The following PTPRD variants were observed in gnomAD, a reference collection of about 807,000 sequenced individuals.
PTPRD encodes receptor-type tyrosine-protein phosphatase delta.
Under a neutral mutation model 214.5 loss-of-function variants are expected in PTPRD, and 34 were observed. The observed-to-expected ratio is 0.16, with a 90% CI of 0.12 to 0.21. The LOEUF (loss-of-function observed/expected upper bound fraction) is 0.21, where lower values mean the gene tolerates loss of function less well. Among genes scored for constraint, PTPRD ranks in the 10% least tolerant of loss-of-function variants. The pLI, the probability that PTPRD is intolerant of heterozygous loss-of-function variation, is 1.00. For synonymous variants in PTPRD, 1,128 were observed against 845.7 expected, an observed-to-expected ratio of 1.33 and a Z score of -5.79; for missense variants, 2,545 against 2,398.7, an observed-to-expected ratio of 1.06 and a Z score of -1.27.
At chr9:9,291,332 G>A (rs1304601414) in intron 9 of PTPRD, among the ~76,000 whole-genome samples, 1 of 151,412 alleles carries the variant, frequency 6.6e-6, no homozygotes, top group Non-Finnish European at 1.5e-5. Context: ...GGAAATTTGA[G>A]AGACTGCTTT....
At chr9:10,218,950 G>A (rs1286839889) in intron 3 of PTPRD, among the ~76,000 whole-genome samples, 1 of 151,680 alleles carries the variant, frequency 6.6e-6, no homozygotes, top group South Asian at 2.1e-4. Flanking sequence ...TATACAGAGA[G>A]AAAATTAAAA....
intron 9 of PTPRD, among the ~76,000 whole-genome samples, chr9:9,215,482 C>T (rs918820997): frequency 2.6e-5 from 4 of 152,072 alleles, no homozygotes; most frequent in East Asian, 3.9e-4. Context: ...ATAAGGATTA[C>T]AATGGGTGGA....
At chr9:10,025,369 T>C (rs1476484102) in intron 4 of PTPRD, among the ~76,000 whole-genome samples, 1 of 152,174 alleles carries the variant, frequency 6.6e-6, no homozygotes, top group African/African-American at 2.4e-5. Flanking sequence ...ATTTCCAATG[T>C]CCAATTTTGT....
intron 2 of PTPRD, among the ~76,000 whole-genome samples, chr9:10,446,142 T>C (rs1225979956): frequency 1.3e-5 from 2 of 151,750 alleles, no homozygotes; most frequent in East Asian, 1.9e-4. Context: ...CCCTTTGAAA[T>C]AGAAAGAGGA....
intron 2 of PTPRD, among the ~76,000 whole-genome samples, chr9:10,410,621 G>A (rs1243526645): frequency 6.6e-6 from 1 of 151,130 alleles, no homozygotes; most frequent in Non-Finnish European, 1.5e-5. Flanking sequence ...TTAAATAACT[G>A]AAAAAAAGTA....
intron 3 of PTPRD, among the ~76,000 whole-genome samples, chr9:10,115,266 T>C: frequency 6.6e-6 from 1 of 152,114 alleles, no homozygotes; most frequent in East Asian, 1.9e-4. Context: ...ATGTTTAATG[T>C]TGTATATTTA....
chr9:8,934,477 A>AT (rs1567099970), intron 11 of PTPRD, among the ~76,000 whole-genome samples: 195 of 7,690 alleles, frequency 0.025, 5 homozygotes, highest in Middle Eastern at 0.15. Flanking sequence ...ATATATATAT[A>AT]AATATATATA....
chr9:9,672,152 T>C (rs916227948), intron 7 of PTPRD, among the ~76,000 whole-genome samples: 6 of 152,182 alleles, frequency 3.9e-5, no homozygotes, highest in Admixed American at 3.9e-4. Flanking sequence ...AGAAGAATAT[T>C]ATTTTTTCAC....
At chr9:9,365,195 T>C (rs574423982) in intron 9 of PTPRD, among the ~76,000 whole-genome samples, 17 of 151,650 alleles carry the variant, frequency 1.1e-4, no homozygotes, top group African/African-American at 3.6e-4. Context: ...AATTGTTCTA[T>C]GTTACAGGGA....
intron 7 of PTPRD, among the ~76,000 whole-genome samples, chr9:9,583,725 A>T (rs905421509): frequency 5.9e-5 from 9 of 152,058 alleles, no homozygotes; most frequent in African/African-American, 1.9e-4. Context: ...AATTCATGGT[A>T]ACTATGGCAA....
chr9:9,644,012 G>C (rs947920806), intron 7 of PTPRD, among the ~76,000 whole-genome samples: 5 of 152,222 alleles, frequency 3.3e-5, no homozygotes, highest in Middle Eastern at 3.4e-3. Flanking sequence ...AATTTTAACA[G>C]AAAGATTTAT....
At chr9:9,202,282 A>C (rs1216483984) in intron 9 of PTPRD, among the ~76,000 whole-genome samples, 1 of 152,220 alleles carries the variant, frequency 6.6e-6, no homozygotes, top group Non-Finnish European at 1.5e-5. Context: ...ACCTTTCTAC[A>C]GATTAACCCG....
intron 7 of PTPRD, among the ~76,000 whole-genome samples, chr9:9,622,372 A>G (rs2095273542): frequency 6.6e-6 from 1 of 152,252 alleles, no homozygotes; most frequent in Non-Finnish European, 1.5e-5. Context: ...TGCTGAATAT[A>G]TCTCCACTAG....
intron 5 of PTPRD, among the ~76,000 whole-genome samples, chr9:9,934,449 T>C (rs1244280098): frequency 1.5e-5 from 2 of 136,662 alleles, no homozygotes; most frequent in Non-Finnish European, 3.2e-5. Context: ...TACAAACGCC[T>C]CTATGCAAAT....
chr9:9,841,512 T>C (rs2058326074), intron 5 of PTPRD, among the ~76,000 whole-genome samples: 1 of 152,108 alleles, frequency 6.6e-6, no homozygotes, highest in South Asian at 2.1e-4. Context: ...CAATAAATTT[T>C]AGTTAGTATT....
At chr9:10,405,475 C>T (rs1010503778) in intron 2 of PTPRD, among the ~76,000 whole-genome samples, 2 of 151,512 alleles carry the variant, frequency 1.3e-5, no homozygotes, top group Non-Finnish European at 3.0e-5. Context: ...TAGGGAAAAA[C>T]ACAGTTGCCA....
At chr9:9,438,285 A>G (rs1346064278) in intron 8 of PTPRD, among the ~76,000 whole-genome samples, 1 of 152,214 alleles carries the variant, frequency 6.6e-6, no homozygotes, top group Non-Finnish European at 1.5e-5. Context: ...AAAGACTACT[A>G]CTATTCATTT....
At chr9:8,434,039 T>G (rs947201839) in intron 35 of PTPRD, among the ~76,000 whole-genome samples, 1 of 152,090 alleles carries the variant, frequency 6.6e-6, no homozygotes, top group East Asian at 1.9e-4. Context: ...TGGAGTGCAA[T>G]GGTGCGACCC....
chr9:8,709,531 AG>A (rs373833687), intron 12 of PTPRD, among the ~76,000 whole-genome samples: 1 of 148,984 alleles, frequency 6.7e-6, no homozygotes. Context: ...AAAAAAAAAA[AG>A]AAAAAGAAAA....
Sources: gnomAD v4.1 joint callset for allele counts (sites outside exome capture counted in the v4.1 genomes callset) on GRCh38, gnomAD v4.1.1 for gene constraint, MANE v1.5 for transcripts, NCBI Gene and HGNC (gene_info 2026-07-23, HGNC 2026-07-21) for gene names.